Variants in GLO1 observed in about 807,000 individuals in gnomAD.
GLO1 encodes lactoylglutathione lyase.
In GLO1, 28 loss-of-function variants were observed where a neutral mutation model predicts 26.0. The observed-to-expected ratio is 1.08, with a 90% CI of 0.80 to 1.48. The LOEUF (loss-of-function observed/expected upper bound fraction) is 1.48. GLO1 is among the 40% of genes most tolerant of loss of function. GLO1 has a pLI of 0.00. For missense variants in GLO1, 225 were observed against 224.8 expected, an observed-to-expected ratio of 1.00 and a Z score of -0.01; for synonymous variants, 78 against 77.6, an observed-to-expected ratio of 1.00 and a Z score of -0.03.
At chr6:38,682,951 T>C in intron 3 of GLO1, 76 bp from the exon 4 acceptor site, 1 of 872,006 alleles carries the variant, frequency 1.1e-6, no homozygotes, top group South Asian at 1.4e-5. Flanking sequence ...ATCTTTGAAA[T>C]CTTACCACGT....
chr6:38,687,860 A>G (rs1376794706), intron 1 of GLO1, among the ~76,000 whole-genome samples: 2 of 151,940 alleles, frequency 1.3e-5, no homozygotes, highest in Non-Finnish European at 1.5e-5. Context: ...CTTCCAGACC[A>G]TAAGTCTGTG....
chr6:38,679,171 T>G (rs1342579787), intron 5 of GLO1, among the ~76,000 whole-genome samples: 1 of 152,082 alleles, frequency 6.6e-6, no homozygotes, highest in Admixed American at 6.5e-5. Context: ...TATACTGAAA[T>G]GAAGTACAGT....
At chr6:38,699,415 C>T (rs1761661699) in intron 1 of GLO1, among the ~76,000 whole-genome samples, 1 of 151,902 alleles carries the variant, frequency 6.6e-6, no homozygotes, top group Non-Finnish European at 1.5e-5. Flanking sequence ...AATCGGCGCA[C>T]CTTGAAAAAC....
chr6:38,681,937 A>G, intron 5 of GLO1, 75 bp downstream of exon 5: 3 of 796,436 alleles, frequency 3.8e-6, no homozygotes, highest in Admixed American at 3.5e-5. Flanking sequence ...GGGTTTTACT[A>G]CAACAGTGGC....
intron 1 of GLO1, among the ~76,000 whole-genome samples, chr6:38,691,131 A>T (rs868135765): frequency 1.3e-5 from 2 of 152,314 alleles, no homozygotes; most frequent in Middle Eastern, 3.4e-3. Context: ...AATTTAGAAC[A>T]ATAAAAATAA....
intron 5 of GLO1, among the ~76,000 whole-genome samples, chr6:38,679,022 A>ATG (rs1562480080): frequency 1.4e-4 from 8 of 57,322 alleles, no homozygotes; most frequent in African/African-American, 6.1e-4. Context: ...CTCAGAGGCA[A>ATG]AAAATAATAA....
At chr6:38,696,483 G>A (rs1761612775) in intron 1 of GLO1, among the ~76,000 whole-genome samples, 1 of 152,176 alleles carries the variant, frequency 6.6e-6, no homozygotes, top group African/African-American at 2.4e-5. Context: ...AAGGCACTTG[G>A]AGATTTAGTG....
intron 1 of GLO1, 45 bp downstream of exon 1, chr6:38,702,926 G>C (rs781735028): frequency 1.8e-6 from 2 of 1,113,924 alleles, no homozygotes; most frequent in Non-Finnish European, 2.7e-6. Flanking sequence ...CCCGGTCCCG[G>C]CCCAGCGGAG....
rs375106939 is a variant in GLO1, at chr6:38,678,419, A to AG, written c.467-1037dup. On this transcript the variant is annotated intron_variant, in intron 5 of 5. Coordinates refer to ENST00000373365, the MANE Select transcript of GLO1 (RefSeq NM_006708.3). ...GGAAGGAAAAGAAAAGGAAAAGAAA[A>AG]GAAAAGAAAAGAAAAGGAAAGAAAG... Among the ~76,000 whole-genome samples the AG allele has an allele frequency of 2.9e-3, 354 of 122,142 alleles. 1 individual carries two copies. Among genetic ancestry groups the AG allele is most frequent in the Non-Finnish European group, 3.0e-3 (167 of 54,816 alleles). 80.1% of individuals were successfully genotyped at this position (122,142 alleles called of 152,430 possible). A position where few individuals can be genotyped will look rare whatever the true frequency, so the allele number is the denominator to read the frequency against.
intron 1 of GLO1, among the ~76,000 whole-genome samples, chr6:38,696,571 A>G (rs944292435): frequency 6.6e-6 from 1 of 152,168 alleles, no homozygotes; most frequent in African/African-American, 2.4e-5. Context: ...AGTCTCTTTT[A>G]TAGGATGCTA....
At chr6:38,701,922 G>T (rs1761705892) in intron 1 of GLO1, among the ~76,000 whole-genome samples, 1 of 150,380 alleles carries the variant, frequency 6.6e-6, no homozygotes. Flanking sequence ...CGGTTACTGT[G>T]CCTGAATTTT....
chr6:38,702,947 C>A, intron 1 of GLO1, 24 bp downstream of exon 1: 3 of 1,342,340 alleles, frequency 2.2e-6, no homozygotes, highest in Non-Finnish European at 2.1e-6. Flanking sequence ...CTGGGGGAGC[C>A]GTTCCCTTCG....
intron 1 of GLO1, among the ~76,000 whole-genome samples, chr6:38,700,051 G>T (rs1180142054): frequency 2.0e-5 from 3 of 152,114 alleles, no homozygotes; most frequent in Non-Finnish European, 4.4e-5. Flanking sequence ...AAAACTTGCT[G>T]GTCTAAGACT....
chr6:38,693,011 T>C (rs1276739795), intron 1 of GLO1, among the ~76,000 whole-genome samples: 1 of 152,042 alleles, frequency 6.6e-6, no homozygotes, highest in Non-Finnish European at 1.5e-5. Flanking sequence ...TCTTCATTTG[T>C]TTTTGGTATC....
intron 1 of GLO1, among the ~76,000 whole-genome samples, chr6:38,698,370 C>T (rs1349742755): frequency 6.6e-6 from 1 of 150,730 alleles, no homozygotes; most frequent in Non-Finnish European, 1.5e-5. Flanking sequence ...TCCCTATTCT[C>T]CTTTCTACTG....
chr6:38,695,083 A>T (rs929177452), intron 1 of GLO1, among the ~76,000 whole-genome samples: 2 of 152,138 alleles, frequency 1.3e-5, no homozygotes, highest in Non-Finnish European at 2.9e-5. Flanking sequence ...ATTTGTATCT[A>T]ATGTAAGTAC....
At chr6:38,681,335 G>T (rs920784349) in intron 5 of GLO1, among the ~76,000 whole-genome samples, 7 of 152,148 alleles carry the variant, frequency 4.6e-5, no homozygotes, top group Non-Finnish European at 8.8e-5. Context: ...GTGTTGGGAT[G>T]ACAGGTGTGA....
At chr6:38,686,672 G>A (rs1761463196) in intron 2 of GLO1, among the ~76,000 whole-genome samples, 1 of 152,220 alleles carries the variant, frequency 6.6e-6, no homozygotes. Context: ...TGGAGAAAAT[G>A]CAACTATTTG....
At chr6:38,697,486 C>G (rs187310474) in intron 1 of GLO1, among the ~76,000 whole-genome samples, 4 of 152,296 alleles carry the variant, frequency 2.6e-5, no homozygotes, top group Admixed American at 2.0e-4. Flanking sequence ...AGTAGCAACT[C>G]CATAGGCAGA....
Sources: gnomAD v4.1 joint callset for allele counts (sites outside exome capture counted in the v4.1 genomes callset) on GRCh38, gnomAD v4.1.1 for gene constraint, MANE v1.5 for transcripts, NCBI Gene and HGNC (gene_info 2026-07-23, HGNC 2026-07-21) for gene names.